Variants in PRMT8 observed in about 807,000 individuals in gnomAD.
The protein encoded by PRMT8 is protein arginine methyltransferase 8, also known as protein arginine N-methyltransferase 8.
A neutral mutation model predicts 47.1 loss-of-function variants in PRMT8; 7 were observed. The observed-to-expected ratio is 0.15, with a 90% CI of 0.08 to 0.28. The LOEUF is 0.28. Among genes scored for constraint, PRMT8 ranks in the 10% least tolerant of loss-of-function variants. PRMT8 has a pLI of 1.00. For missense variants in PRMT8, 237 were observed against 505.4 expected (o/e 0.47, Z 5.09); for synonymous variants, 188 against 186.5 (o/e 1.01, Z -0.07).
chr12:3,467,222 A>G, intron 1 of PRMT8, among the ~76,000 whole-genome samples: 1 of 130,598 alleles, frequency 7.7e-6, no homozygotes, highest in Non-Finnish European at 1.6e-5. Context: ...CCTGGGCGAC[A>G]GAGCAAGACT....
At chr12:3,484,911 G>A (rs899597349) in intron 1 of PRMT8, among the ~76,000 whole-genome samples, 2 of 152,188 alleles carry the variant, frequency 1.3e-5, no homozygotes, top group Admixed American at 6.5e-5. Context: ...AGTGGGGAGT[G>A]TGGTTTCTGA....
At chr12:3,463,546 A>T (rs958796318) in intron 1 of PRMT8, 1 of 152,184 alleles carries the variant, frequency 6.6e-6, no homozygotes, top group African/African-American at 2.4e-5. Context: ...AAGCCATTTA[A>T]CTTTTCAGCT....
At chr12:3,420,239 G>T (rs1864527322) in intron 1 of PRMT8, among the ~76,000 whole-genome samples, 1 of 152,016 alleles carries the variant, frequency 6.6e-6, no homozygotes, top group South Asian at 2.1e-4. Context: ...ATCCTGATTT[G>T]GTGACCAAAG....
chr12:3,428,688 T>G (rs184357780), intron 1 of PRMT8, among the ~76,000 whole-genome samples: 7 of 152,302 alleles, frequency 4.6e-5, no homozygotes, highest in Admixed American at 4.6e-4. Flanking sequence ...CTTTCTGTAT[T>G]TCTTTCTCTC....
rs11062651 is a variant in PRMT8 at position 3,453,568 on chromosome 12, C to G, written c.48+72126C>G. ...CCAGACGCTGCATTCCGCATGCCAT[C>G]GTGACCTTGAAGTAGGGCTGAGAAT... On this transcript the variant is annotated intron_variant, in intron 1 of 9. Coordinates refer to the PRMT8 transcript ENST00000452611. The surrounding 1 kb of genome is among the most constrained non-coding windows in gnomAD (Gnocchi z 4.9). Among the ~76,000 whole-genome samples, 81,459 of 152,068 alleles carry G rather than the reference C, an allele frequency of 0.54. 23,472 individuals carry two copies. The highest frequency in any genetic ancestry group is 0.69 in the East Asian group (3,553 of 5,148).
chr12:3,454,902 A>C (rs185492440), intron 1 of PRMT8, among the ~76,000 whole-genome samples: 2 of 152,220 alleles, frequency 1.3e-5, no homozygotes, highest in African/African-American at 4.8e-5. Flanking sequence ...CAGGTCCTAC[A>C]TACCTGTGAA....
At position 3,436,337 on chromosome 12, in the gene PRMT8, G is replaced by C. The variant is rs1864740822; in HGVS notation, c.48+54895G>C. 6.6e-6 allele frequency among the ~76,000 whole-genome samples: 1 copy of C among 152,128 alleles called. No homozygotes were observed. The highest frequency in any genetic ancestry group is 2.1e-4 in the South Asian group (1 of 4,824). On this transcript the variant is annotated intron_variant, in intron 1 of 9. Coordinates refer to the PRMT8 transcript ENST00000452611. This position sits in a 1 kb window ranked among gnomAD's most constrained non-coding sequence, Gnocchi z 4.2. ...TTAATACAGTTACCACAGACACAGTGAGTGACTTTCAAGTTCATGCCTTTG... is the reference window on the plus strand; with the variant it reads ...TTAATACAGTTACCACAGACACAGTCAGTGACTTTCAAGTTCATGCCTTTG...
At position 3,586,379 on chromosome 12, in the gene PRMT8, G is replaced by A. The variant is rs564792767; in HGVS notation, c.979+3171G>A. ...GGTCACACCCCCACCACAGTCCTACGTGGCTCAAAGACCAAGGATCTAAAC... is the reference window on the plus strand; with the variant it reads ...GGTCACACCCCCACCACAGTCCTACATGGCTCAAAGACCAAGGATCTAAAC... On this transcript the variant is annotated intron_variant, in intron 8 of 9. Coordinates refer to ENST00000382622, the MANE Select transcript of PRMT8 (RefSeq NM_019854.5). Among the ~76,000 whole-genome samples, 10 of 152,228 alleles carry A rather than the reference G, an allele frequency of 6.6e-5. No homozygotes were observed. The South Asian group carries it at 1.7e-3, about 25-fold the overall frequency.
intron 1 of PRMT8, among the ~76,000 whole-genome samples, chr12:3,496,469 G>A (rs1865512562): frequency 6.6e-6 from 1 of 151,828 alleles, no homozygotes; most frequent in South Asian, 2.1e-4. Flanking sequence ...AATTGAGGAA[G>A]AGGAGGAACC....
chr12:3,426,885 C>T (rs1413670085), intron 1 of PRMT8, among the ~76,000 whole-genome samples: 1 of 151,996 alleles, frequency 6.6e-6, no homozygotes, highest in African/African-American at 2.4e-5. Flanking sequence ...AGGTAGGGTC[C>T]TTCCCAGGCT....
chr12:3,459,436 G>A (rs1415088880), intron 1 of PRMT8, among the ~76,000 whole-genome samples: 1 of 152,174 alleles, frequency 6.6e-6, no homozygotes, highest in African/African-American at 2.4e-5. Flanking sequence ...CACAAACTGA[G>A]TGCCTCTCCC....
chr12:3,455,635 C>T (rs1864966324), intron 1 of PRMT8, among the ~76,000 whole-genome samples: 1 of 152,132 alleles, frequency 6.6e-6, no homozygotes, highest in Admixed American at 6.5e-5. Context: ...TCCTGGGAGA[C>T]CTGGCCAAGG....
At chr12:3,522,046 A>G (rs996259999) in intron 1 of PRMT8, among the ~76,000 whole-genome samples, 1 of 152,204 alleles carries the variant, frequency 6.6e-6, no homozygotes, top group Non-Finnish European at 1.5e-5. Context: ...AAAGTCTCAG[A>G]AAGTATATTA....
intron 1 of PRMT8, among the ~76,000 whole-genome samples, chr12:3,529,814 G>A (rs1174859712): frequency 6.6e-6 from 1 of 152,166 alleles, no homozygotes; most frequent in African/African-American, 2.4e-5. Context: ...GAATCTATGA[G>A]GAGTCAGCTC....
intron 1 of PRMT8, among the ~76,000 whole-genome samples, chr12:3,496,199 G>A (rs904308598): frequency 3.2e-5 from 1 of 31,354 alleles, no homozygotes; most frequent in African/African-American, 1.3e-4. Context: ...TTTGGAAACT[G>A]ATATATATAT....
At chr12:3,393,018 A>G (rs1279588426) in intron 1 of PRMT8, among the ~76,000 whole-genome samples, 2 of 152,074 alleles carry the variant, frequency 1.3e-5, no homozygotes, top group Non-Finnish European at 2.9e-5. Context: ...TTCTTTTGAG[A>G]AGTGTCTGTT....
At position 3,453,102 on chromosome 12, in the gene PRMT8, C is replaced by T. The variant is rs921113716; in HGVS notation, c.48+71660C>T. ...TGAGGGATGCACAGAGGACACTGCA[C>T]GGGGAATCAGGTAGGCTGGAGAGGA... is the stretch of plus-strand genomic sequence containing the variant. On this transcript the variant is annotated intron_variant, in intron 1 of 9. Transcript: ENST00000452611. This position sits in a 1 kb window ranked among gnomAD's most constrained non-coding sequence, Gnocchi z 4.9. Among the ~76,000 whole-genome samples, 13 of 152,228 alleles carry T rather than the reference C, an allele frequency of 8.5e-5. No individual in the cohort carries two copies. In the South Asian group the frequency reaches 1.0e-3, roughly 12 times the overall value.
chr12:3,418,469 G>A (rs146697442), intron 1 of PRMT8, among the ~76,000 whole-genome samples: 56 of 152,304 alleles, frequency 3.7e-4, no homozygotes, highest in Middle Eastern at 3.4e-3. Context: ...TGGGTGACAG[G>A]ATGGGCTGGT....
At chr12:3,491,755 C>T in intron 1 of PRMT8, 55 bp downstream of exon 1, 1 of 1,554,022 alleles carries the variant, frequency 6.4e-7, no homozygotes, top group East Asian at 2.3e-5. Flanking sequence ...ACCCGGACCA[C>T]CGCGCCGCCG....
Sources: gnomAD v4.1 joint callset for allele counts (sites outside exome capture counted in the v4.1 genomes callset) on GRCh38, gnomAD v4.1.1 for gene constraint, Gnocchi (gnomAD v3.1) non-coding constraint, MANE v1.5 for transcripts, NCBI Gene and HGNC (gene_info 2026-07-23, HGNC 2026-07-21) for gene names.